TREM1: variants seen among roughly 807,000 people sequenced by gnomAD.
The protein encoded by TREM1 is triggering receptor expressed on myeloid cells 1, also known as triggering receptor expressed on monocytes 1.
TREM1 carries 16 observed loss-of-function variants against 22.4 expected under a neutral mutation model. The observed-to-expected ratio is 0.71, with a 90% CI of 0.48 to 1.08. The LOEUF (loss-of-function observed/expected upper bound fraction) is 1.08, where lower values mean the gene tolerates loss of function less well. Among genes scored for constraint, TREM1 ranks in the 50% least tolerant of loss-of-function variants. The pLI is 0.00. For synonymous variants in TREM1, 110 were observed against 111.6 expected (o/e 0.99, Z 0.09); for missense variants, 283 against 282.9 (o/e 1.00, Z 0.00).
Position 41,281,100 on chromosome 6 carries a change from T to A in TREM1, c.460A>T (p.Ile154Phe). ...NENSTQNVYK[I>F]PPTTTKALCP... is the part of the protein sequence containing the mutation. ...AAGGCCTTAGTGGTGGTAGGAGGAATCTTATACACATTCTGGGTAGAATTC... is the reference window on the plus strand; with the variant it reads ...AAGGCCTTAGTGGTGGTAGGAGGAAACTTATACACATTCTGGGTAGAATTC... The change falls in exon 3 of 4, where the codon ATT (isoleucine) becomes TTT (phenylalanine). Residue 154 changes from isoleucine to phenylalanine, a missense_variant. Physicochemically the swap from Ile to Phe is conservative, Grantham distance 21. Coordinates refer to ENST00000244709, the MANE Select transcript of TREM1 (RefSeq NM_018643.5). 6.2e-7 allele frequency: 1 copy of A among 1,614,180 alleles called. No homozygotes were observed. The highest frequency in any genetic ancestry group is 8.5e-7 in the Non-Finnish European group (1 of 1,180,032).
intron 3 of TREM1, among the ~76,000 whole-genome samples, chr6:41,268,319 T>C (rs1767387235): frequency 6.6e-6 from 1 of 152,248 alleles, no homozygotes; most frequent in Non-Finnish European, 1.5e-5. Flanking sequence ...CTGTTATTTA[T>C]GGTTCAATGA....
intron 2 of TREM1, 51 bp downstream of exon 2, chr6:41,282,344 G>A (rs555867552): frequency 2.1e-6 from 3 of 1,418,548 alleles, no homozygotes; most frequent in Non-Finnish European, 2.9e-6. Flanking sequence ...TACCACCACT[G>A]CCCCTTTCCT....
chr6:41,283,604 T>C (rs1364371197), intron 1 of TREM1, among the ~76,000 whole-genome samples: 1 of 151,872 alleles, frequency 6.6e-6, no homozygotes, highest in Non-Finnish European at 1.5e-5. Flanking sequence ...CCCAGATACA[T>C]GGGAGGCTGA....
At chr6:41,277,000 G>C (rs910916694) in intron 3 of TREM1, among the ~76,000 whole-genome samples, 2 of 151,936 alleles carry the variant, frequency 1.3e-5, no homozygotes, top group African/African-American at 4.8e-5. Context: ...ACATGGTAAC[G>C]GTGTAGGCTT....
rs2113990915 is a variant in TREM1 at position 41,282,504 on chromosome 6, T to C, written c.297A>G (p.Arg99=). The change falls in exon 2 of 4, where the codon CGA becomes CGG. Residue 99 remains arginine (R), a synonymous_variant. Coordinates refer to ENST00000244709, the MANE Select transcript of TREM1 (RefSeq NM_018643.5). ...AATCTTCCACTTGAAGGTTGACCATTCGGACGCGCAGTAAACCATGATCAT... is the reference window on the plus strand; with the variant it reads ...AATCTTCCACTTGAAGGTTGACCATCCGGACGCGCAGTAAACCATGATCAT... ...DYHDHGLLRV[R]MVNLQVEDSG... is the part of the protein sequence containing the mutation. 1 of 1,614,196 alleles carries C rather than the reference T, an allele frequency of 6.2e-7. No homozygotes were observed. Among genetic ancestry groups the C allele is most frequent in the East Asian group, 2.2e-5 (1 of 44,868 alleles).
Position 41,273,627 on chromosome 6 carries a change from T to A in TREM1, c.*2498A>T, listed in dbSNP as rs1402081109. Among the ~76,000 whole-genome samples, 2 of 152,214 alleles carry A rather than the reference T, an allele frequency of 1.3e-5. No individual in the cohort carries two copies. Among genetic ancestry groups the A allele is most frequent in the Non-Finnish European group, 2.9e-5 (2 of 68,034 alleles). Reference sequence around the variant, plus strand: ...TGAAACTGGGTAATTGAGGAGCATTTAATAAACATGTGCATAGAATTTAGG... The same window carrying A: ...TGAAACTGGGTAATTGAGGAGCATTAAATAAACATGTGCATAGAATTTAGG... On this transcript the variant is annotated 3_prime_UTR_variant, in exon 4 of 4. Coordinates refer to ENST00000244709, the MANE Select transcript of TREM1 (RefSeq NM_018643.5).
At chr6:41,284,353 G>T (rs143170707) in intron 1 of TREM1, among the ~76,000 whole-genome samples, 1 of 152,134 alleles carries the variant, frequency 6.6e-6, no homozygotes, top group African/African-American at 2.4e-5. Context: ...AGAACCCCTG[G>T]GTTACAGTGA....
At chr6:41,277,580 A>G (rs1767722182) in intron 3 of TREM1, among the ~76,000 whole-genome samples, 1 of 152,002 alleles carries the variant, frequency 6.6e-6, no homozygotes, top group Admixed American at 6.6e-5. Flanking sequence ...CCATTTTCCT[A>G]TGCTGAACTC....
intron 3 of TREM1, among the ~76,000 whole-genome samples, chr6:41,268,364 T>C (rs974929747): frequency 6.6e-6 from 1 of 152,252 alleles, no homozygotes; most frequent in African/African-American, 2.4e-5. Context: ...TTATTAAACT[T>C]GATACAGTTC....
chr6:41,280,121 T>C, intron 3 of TREM1: 2 of 932,834 alleles, frequency 2.1e-6, no homozygotes, highest in Non-Finnish European at 2.6e-6. Context: ...TACTGCCATA[T>C]TAAAATATGT....
Position 41,275,845 on chromosome 6 carries a change from T to C in TREM1, c.*280A>G, listed in dbSNP as rs921938902. 2.1e-5 allele frequency: 10 copies of C among 477,354 alleles called. No individual in the cohort carries two copies. The highest frequency in any genetic ancestry group is 1.8e-4 in the African/African-American group (9 of 51,100). 29.6% of individuals were successfully genotyped at this position (477,354 alleles called of 1,614,324 possible). ...AGAATTACGGTGAAAAGCATTGAGC[T>C]GTCTGTATTTCATGCCAACCCCAAG... On this transcript the variant is annotated 3_prime_UTR_variant, in exon 4 of 4. Coordinates refer to ENST00000244709, the MANE Select transcript of TREM1 (RefSeq NM_018643.5).
chr6:41,277,072 T>A (rs1270997333), intron 3 of TREM1, among the ~76,000 whole-genome samples: 7 of 147,546 alleles, frequency 4.7e-5, no homozygotes, highest in Non-Finnish European at 4.5e-5. Flanking sequence ...TTAAATAAAA[T>A]AAAAAAAAAA....
At chr6:41,277,991 A>G (rs1218998514) in intron 3 of TREM1, among the ~76,000 whole-genome samples, 2 of 148,440 alleles carry the variant, frequency 1.3e-5, no homozygotes, top group Admixed American at 6.8e-5. Flanking sequence ...GCTTGATCAC[A>G]GCTCACTGAA....
chr6:41,281,055 G>C lies in TREM1; in HGVS notation c.505C>G (p.Pro169Ala), dbSNP rs1767893249. 4 of 1,614,224 alleles carry C rather than the reference G, an allele frequency of 2.5e-6. No homozygotes were observed. In the East Asian group the frequency reaches 8.9e-5, roughly 36 times the overall value. ...GGTGGAGCTTGGGTCACAGTTCTGGGGCTGGTATAGAGTGGGCACAAGGCC... is the reference window on the plus strand; with the variant it reads ...GGTGGAGCTTGGGTCACAGTTCTGGCGCTGGTATAGAGTGGGCACAAGGCC... The part of the protein sequence containing the change: ...TKALCPLYTS[P>A]RTVTQAPPKS... The change falls in exon 3 of 4, where the codon CCC (proline) becomes GCC (alanine). Residue 169 changes from proline (P) to alanine (A), a missense_variant. Transcript: ENST00000244709.
chr6:41,274,598 C>T lies in TREM1; in HGVS notation c.*1527G>A, dbSNP rs575855398. ...AGATTAACAGCTTCTGGATCTAGTG[C>T]GTCTGCAAAGATTCTCACCAGAGCA... is the stretch of plus-strand genomic sequence containing the variant. On this transcript the variant is annotated 3_prime_UTR_variant, in exon 4 of 4. Transcript: ENST00000244709. 2.0e-5 allele frequency among the ~76,000 whole-genome samples: 3 copies of T among 152,180 alleles called. No homozygotes were observed. The highest frequency in any genetic ancestry group is 2.1e-4 in the South Asian group (1 of 4,814).
At chr6:41,285,299 A>G (rs530530260) in intron 1 of TREM1, among the ~76,000 whole-genome samples, 2 of 152,284 alleles carry the variant, frequency 1.3e-5, no homozygotes, top group South Asian at 4.1e-4. Flanking sequence ...AGCAAATACT[A>G]CCTATTAAGT....
chr6:41,283,862 G>A (rs796194305), intron 1 of TREM1, among the ~76,000 whole-genome samples: 5 of 152,264 alleles, frequency 3.3e-5, no homozygotes, highest in African/African-American at 9.6e-5. Flanking sequence ...GCTTCTTGCT[G>A]GGATTCACAG....
Position 41,275,496 on chromosome 6 carries a change from C to T in TREM1, c.*629G>A, listed in dbSNP as rs1192895979. Reference sequence around the variant, plus strand: ...GTCTGTTGTTGCTCTCCTATGGATCCCATCTCGGCCTGCCAGTATTTCCCC... The same window carrying T: ...GTCTGTTGTTGCTCTCCTATGGATCTCATCTCGGCCTGCCAGTATTTCCCC... On this transcript the variant is annotated 3_prime_UTR_variant, in exon 4 of 4. Coordinates refer to ENST00000244709, the MANE Select transcript of TREM1 (RefSeq NM_018643.5). 3 of 152,560 alleles carry T rather than the reference C, an allele frequency of 2.0e-5. No homozygotes were observed. Among genetic ancestry groups the T allele is most frequent in the African/African-American group, 4.8e-5 (2 of 41,418 alleles). 9.5% of individuals were successfully genotyped at this position (152,560 alleles called of 1,614,324 possible).
rs2627563 is a variant in TREM1 at position 41,275,994 on chromosome 6, G to T, written c.*131C>A. 6 of 689,916 alleles carry T rather than the reference G, an allele frequency of 8.7e-6. No individual in the cohort carries two copies. Among genetic ancestry groups the T allele is most frequent in the Non-Finnish European group, 1.3e-5 (5 of 389,422 alleles). 42.7% of individuals were successfully genotyped at this position (689,916 alleles called of 1,614,324 possible). On this transcript the variant is annotated 3_prime_UTR_variant, in exon 4 of 4. Transcript: ENST00000244709. ...GCAGGAAGGTGAGACGCTGACTTTA[G>T]AAATAGCCGGTGATTACAGATTTAA...
Sources: allele counts gnomAD v4.1 joint callset (sites outside exome capture counted in the v4.1 genomes callset), GRCh38; gene constraint gnomAD v4.1.1; transcripts MANE v1.5; gene names NCBI Gene and HGNC (gene_info 2026-07-23, HGNC 2026-07-21).